GOLM2: variants seen among roughly 807,000 people sequenced by gnomAD.
GOLM2 encodes golgi membrane protein 2, also known as protein GOLM2.
Under a neutral mutation model 55.9 loss-of-function variants are expected in GOLM2, and 26 were observed. The observed-to-expected ratio is 0.47, with a 90% CI of 0.34 to 0.65. The LOEUF (loss-of-function observed/expected upper bound fraction) is 0.65, where lower values mean the gene tolerates loss of function less well. GOLM2 is among the 30% of genes least tolerant of loss of function. GOLM2 has a pLI of 0.01. For synonymous variants in GOLM2, 165 were observed against 194.6 expected (o/e 0.85, Z 1.27); for missense variants, 486 against 531.8 (o/e 0.91, Z 0.85).
intron 2 of GOLM2, among the ~76,000 whole-genome samples, chr15:44,325,733 A>G (rs1567025828): frequency 6.6e-6 from 1 of 152,190 alleles, no homozygotes; most frequent in Non-Finnish European, 1.5e-5. Flanking sequence ...CTTAGCCACA[A>G]GGCTTTTTGC....
chr15:44,364,869 T>G (rs1347241465), intron 6 of GOLM2, among the ~76,000 whole-genome samples: 1 of 152,110 alleles, frequency 6.6e-6, no homozygotes, highest in Non-Finnish European at 1.5e-5. Flanking sequence ...TAGGCCAAGT[T>G]CCAGCACACT....
chr15:44,363,220 G>A (rs1345413519), intron 6 of GOLM2, among the ~76,000 whole-genome samples: 1 of 152,106 alleles, frequency 6.6e-6, no homozygotes, highest in Non-Finnish European at 1.5e-5. Flanking sequence ...AAGAGCTTCT[G>A]CACAGCAAAA....
At chr15:44,296,413 T>C (rs968457420) in intron 1 of GOLM2, among the ~76,000 whole-genome samples, 2 of 152,178 alleles carry the variant, frequency 1.3e-5, no homozygotes, top group African/African-American at 4.8e-5. Context: ...TAAATGACCT[T>C]TTTTCCCTTT....
At chr15:44,297,042 T>C (rs575173697) in intron 1 of GOLM2, among the ~76,000 whole-genome samples, 86 of 152,354 alleles carry the variant, frequency 5.6e-4, no homozygotes, top group Middle Eastern at 3.4e-3. Context: ...CCTTCTTGGT[T>C]CCTATAAATG....
At position 44,413,692 on chromosome 15, in the gene GOLM2, G is replaced by A. The variant is rs1243068059; in HGVS notation, c.*286G>A. On this transcript the variant is annotated 3_prime_UTR_variant, in exon 10 of 10. Coordinates refer to ENST00000299957, the MANE Select transcript of GOLM2 (RefSeq NM_138423.4). ...TGTATATTTCACATTTTATTGAGCC[G>A]ACTTATTTCCACAAATAGATAAACA... 1.4e-5 allele frequency: 4 copies of A among 279,456 alleles called. No homozygotes were observed. Among genetic ancestry groups the A allele is most frequent in the African/African-American group, 4.4e-5 (2 of 45,232 alleles). 17.3% of individuals were successfully genotyped at this position (279,456 alleles called of 1,614,324 possible). A position where few individuals can be genotyped will look rare whatever the true frequency, so the allele number is the denominator to read the frequency against.
chr15:44,411,386 T>C (rs557161376), intron 9 of GOLM2, among the ~76,000 whole-genome samples: 1 of 152,212 alleles, frequency 6.6e-6, no homozygotes, highest in South Asian at 2.1e-4. Flanking sequence ...AAAGTAATAG[T>C]TTTTAGAAAA....
intron 8 of GOLM2, 111 bp from the exon 9 acceptor site, chr15:44,402,776 T>G (rs1242048684): frequency 2.1e-6 from 2 of 932,182 alleles, no homozygotes; most frequent in African/African-American, 3.3e-5. Context: ...TTATATCCAG[T>G]ACCCCAAAAG....
chr15:44,338,357 T>G, intron 6 of GOLM2, 40 bp downstream of exon 6: 1 of 1,451,946 alleles, frequency 6.9e-7, no homozygotes, highest in Non-Finnish European at 9.7e-7. Flanking sequence ...AAAGTGATGA[T>G]AATACATTTC....
chr15:44,302,051 G>A (rs559287601), intron 1 of GOLM2, among the ~76,000 whole-genome samples: 1 of 152,100 alleles, frequency 6.6e-6, no homozygotes, highest in East Asian at 1.9e-4. Flanking sequence ...AATATTTGAT[G>A]TTGCACTACA....
chr15:44,309,725 T>C (rs759330304), intron 1 of GOLM2, among the ~76,000 whole-genome samples: 11 of 152,216 alleles, frequency 7.2e-5, no homozygotes, highest in Non-Finnish European at 1.2e-4. Flanking sequence ...CATAAACTTT[T>C]TGACAATGCT....
chr15:44,390,635 G>A (rs532977586), intron 8 of GOLM2, among the ~76,000 whole-genome samples: 4 of 150,074 alleles, frequency 2.7e-5, no homozygotes, highest in Admixed American at 6.7e-5. Context: ...GCACGATCTC[G>A]GCTCACCCAC....
At chr15:44,321,027 A>T (rs1307471069) in intron 1 of GOLM2, among the ~76,000 whole-genome samples, 1 of 152,000 alleles carries the variant, frequency 6.6e-6, no homozygotes, top group Admixed American at 6.6e-5. Flanking sequence ...GTTTTCCCGG[A>T]TCTCTGGATT....
rs2079658897 is a variant in GOLM2 at position 44,414,279 on chromosome 15, C to G, written c.*873C>G. 6.6e-6 allele frequency: 1 copy of G among 152,212 alleles called. No individual in the cohort carries two copies. Among genetic ancestry groups the G allele is most frequent in the African/African-American group, 2.4e-5 (1 of 41,444 alleles). 9.4% of individuals were successfully genotyped at this position (152,212 alleles called of 1,614,324 possible). On this transcript the variant is annotated 3_prime_UTR_variant, in exon 10 of 10. Transcript: ENST00000299957. ...TACAGTATTGTGTAGAAAGTCACCTCCCTACTCCTTTTATTTTACATGAGT... is the reference window on the plus strand; with the variant it reads ...TACAGTATTGTGTAGAAAGTCACCTGCCTACTCCTTTTATTTTACATGAGT...
intron 6 of GOLM2, among the ~76,000 whole-genome samples, chr15:44,359,308 C>G (rs777295785): frequency 1.1e-4 from 16 of 151,972 alleles, no homozygotes; most frequent in South Asian, 2.1e-4. Flanking sequence ...CAATTAGAGG[C>G]CAGGCGCAGT....
intron 1 of GOLM2, among the ~76,000 whole-genome samples, chr15:44,302,473 A>G (rs1350009318): frequency 6.8e-6 from 1 of 147,818 alleles, no homozygotes; most frequent in Non-Finnish European, 1.5e-5. Flanking sequence ...TCTTCCAATG[A>G]TATATTGTGA....
At chr15:44,333,882 A>AT (rs1266825374) in intron 4 of GOLM2, among the ~76,000 whole-genome samples, 1 of 151,752 alleles carries the variant, frequency 6.6e-6, no homozygotes, top group Non-Finnish European at 1.5e-5. Context: ...CGCCCAGCTA[A>AT]TTTTTTGTAT....
intron 9 of GOLM2, 197 bp downstream of exon 9, chr15:44,403,251 C>G: frequency 1.8e-6 from 1 of 562,346 alleles, no homozygotes; most frequent in Non-Finnish European, 3.2e-6. Flanking sequence ...CAACCTCCAC[C>G]TCCCGGGTTC....
chr15:44,344,443 T>G (rs2079110174), intron 6 of GOLM2, among the ~76,000 whole-genome samples: 1 of 152,020 alleles, frequency 6.6e-6, no homozygotes. Context: ...TTGGAACTAA[T>G]CGCCAAGACT....
At chr15:44,322,000 C>T (rs945131491) in intron 1 of GOLM2, among the ~76,000 whole-genome samples, 1 of 151,978 alleles carries the variant, frequency 6.6e-6, no homozygotes, top group African/African-American at 2.4e-5. Context: ...GTCAAGGCTG[C>T]AGTGAACCGT....
Sources: allele counts gnomAD v4.1 joint callset (sites outside exome capture counted in the v4.1 genomes callset), GRCh38; gene constraint gnomAD v4.1.1; transcripts MANE v1.5; gene names NCBI Gene and HGNC (gene_info 2026-07-23, HGNC 2026-07-21).